The following LFNG variants were observed in gnomAD, a reference collection of about 807,000 sequenced individuals.
The protein encoded by LFNG is LFNG O-fucosylpeptide 3-beta-N-acetylglucosaminyltransferase.
In LFNG, 15 loss-of-function variants were observed where a neutral mutation model predicts 32.7. That is an observed-to-expected ratio of 0.46 (90% CI 0.31 to 0.71). The LOEUF is 0.71. Ranked by LOEUF, LFNG falls within the 30% of genes least tolerant of loss-of-function variation. The probability of loss-of-function intolerance (pLI) is 0.06; values close to 1 mark genes in which losing one functional copy is unlikely to be tolerated. For missense variants in LFNG, 520 were observed against 545.7 expected (o/e 0.95, Z 0.47); for synonymous variants, 274 against 246.8 (o/e 1.11, Z -1.03).
Position 2,525,265 on chromosome 7 carries a change from G to T in LFNG, c.528G>T (p.Ala176=). 6.2e-7 allele frequency: 1 copy of T among 1,612,988 alleles called. No homozygotes were observed. Among genetic ancestry groups the T allele is most frequent in the Non-Finnish European group, 8.5e-7 (1 of 1,179,896 alleles). The stretch of plus-strand genomic sequence containing the variant: ...GCTCGGCCGCCCACAGCCGCCAGGC[G>T]CTGTCCTGCAAGATGGCCGTGGAGT... ...TNCSAAHSRQ[A]LSCKMAVEYD... Residue 176 remains alanine (A), a synonymous_variant, in exon 3 of 8, where the codon GCG becomes GCT. Coordinates refer to ENST00000222725, the MANE Select transcript of LFNG (RefSeq NM_001040167.2).
chr7:2,526,482 A>C lies in LFNG; in HGVS notation c.987+73A>C, dbSNP rs1427266182. 6.5e-7 allele frequency: 1 copy of C among 1,531,146 alleles called. No homozygotes were observed. Among genetic ancestry groups the C allele is most frequent in the African/African-American group, 1.4e-5 (1 of 73,398 alleles). 94.8% of individuals were successfully genotyped at this position (1,531,146 alleles called of 1,614,324 possible). Reference sequence around the variant, plus strand: ...GACGTGTGGCTGCCGAGAGGGGCGCAGTGGGGTGGGGCACTGTTCTAAACA... The same window carrying C: ...GACGTGTGGCTGCCGAGAGGGGCGCCGTGGGGTGGGGCACTGTTCTAAACA... On this transcript the variant is annotated intron_variant, in intron 6 of 7. Transcript: ENST00000222725. The surrounding 1 kb of genome is among the most constrained non-coding windows in gnomAD (Gnocchi z 6.9).
upstream of LFNG, chr7:2,513,271 G>GGATA: frequency 1.2e-6 from 2 of 1,613,288 alleles, no homozygotes; most frequent in Non-Finnish European, 1.7e-6. Flanking sequence ...ATGGATGGAT[G>GGATA]GATGAGTGGA....
upstream of LFNG, chr7:2,519,767 C>T (rs958490416): frequency 3.9e-5 from 28 of 710,870 alleles, no homozygotes; most frequent in African/African-American, 5.4e-4. Context: ...GACACTGGTG[C>T]TGCGCTGCTG....
At position 2,525,587 on chromosome 7, in the gene LFNG, A is replaced by G. The variant is rs750106175; in HGVS notation, c.735+20A>G. On this transcript the variant is annotated intron_variant, in intron 4 of 7. Transcript: ENST00000222725. ...AAGGTGGTGAGTGCCTGCCCCTCCC[A>G]GTCCCCCACGCCCACGCGGAGCGCA... The G allele has an allele frequency of 1.9e-6, 3 of 1,612,134 alleles. No individual in the cohort carries two copies. Among genetic ancestry groups the G allele is most frequent in the African/African-American group, 1.3e-5 (1 of 75,066 alleles).
Position 2,526,745 on chromosome 7 carries a change from C to G in LFNG, c.988-91C>G. ...AGGTCCAAGGGAGGCCAGGGCAGGG[C>G]CGTTGCCTCACTCAGGGCTGTGTGG... On this transcript the variant is annotated intron_variant, in intron 6 of 7. Transcript: ENST00000222725. This position sits in a 1 kb window ranked among gnomAD's most constrained non-coding sequence, Gnocchi z 6.9. 2 of 1,201,450 alleles carry G rather than the reference C, an allele frequency of 1.7e-6. No homozygotes were observed. The highest frequency in any genetic ancestry group is 2.5e-6 in the Non-Finnish European group (2 of 814,100). The allele number at this position is 1,201,450 out of a possible 1,614,324, so 74.4% of individuals were successfully genotyped here.
In LFNG at chr7:2,526,134, C is replaced by A; in HGVS notation, c.822-110C>A. ...GGGAGCTGCAGCCCAGAGCTCTCCT[C>A]AGGGCTCCTCTCCCTGAGGAGTGCA... On this transcript the variant is annotated intron_variant, in intron 5 of 7. Transcript: ENST00000222725. The surrounding 1 kb of genome is among the most constrained non-coding windows in gnomAD (Gnocchi z 6.9). 2.5e-6 allele frequency: 3 copies of A among 1,196,362 alleles called. No homozygotes were observed. The highest frequency in any genetic ancestry group is 1.5e-5 in the African/African-American group (1 of 66,644). 74.1% of individuals were successfully genotyped at this position (1,196,362 alleles called of 1,614,324 possible). A position where few individuals can be genotyped will look rare whatever the true frequency, so the allele number is the denominator to read the frequency against.
Position 2,527,721 on chromosome 7 carries a change from C to A in LFNG, c.*509C>A, listed in dbSNP as rs185900482. 2 of 1,046,596 alleles carry A rather than the reference C, an allele frequency of 1.9e-6. No homozygotes were observed. Among genetic ancestry groups the A allele is most frequent in the Admixed American group, 4.9e-5 (1 of 20,238 alleles). 64.8% of individuals were successfully genotyped at this position (1,046,596 alleles called of 1,614,324 possible). On this transcript the variant is annotated 3_prime_UTR_variant, in exon 8 of 8. Transcript: ENST00000222725. The surrounding 1 kb of genome is among the most constrained non-coding windows in gnomAD (Gnocchi z 4.4). ...GAGGCTGGGTCTGGGGGTGCGTGACCCAATCCCCTTCCTCCTGGCCTGGAC... is the reference window on the plus strand; with the variant it reads ...GAGGCTGGGTCTGGGGGTGCGTGACACAATCCCCTTCCTCCTGGCCTGGAC...
Position 2,527,338 on chromosome 7 carries a change from G to GTGCA in LFNG, c.*128_*129insCATG, listed in dbSNP as rs1562556287. 4.3e-6 allele frequency: 4 copies of GTGCA among 938,426 alleles called. No homozygotes were observed. In the Admixed American group the frequency reaches 1.3e-4, roughly 30 times the overall value. The allele number at this position is 938,426 out of a possible 1,614,324, so 58.1% of individuals were successfully genotyped here. A position where few individuals can be genotyped will look rare whatever the true frequency, so the allele number is the denominator to read the frequency against. On this transcript the variant is annotated 3_prime_UTR_variant, in exon 8 of 8. Coordinates refer to ENST00000222725, the MANE Select transcript of LFNG (RefSeq NM_001040167.2). This position sits in a 1 kb window ranked among gnomAD's most constrained non-coding sequence, Gnocchi z 4.4. ...GCCGTGCCTGTGCGTGTGCGTGTGC[G>GTGCA]TGTGTGTGTGTGTGTACTGCATGCC...
chr7:2,525,846 C>T lies in LFNG; in HGVS notation c.821+76C>T, dbSNP rs962577590. The T allele has an allele frequency of 3.9e-6, 5 of 1,294,746 alleles. No homozygotes were observed. The African/African-American group carries it at 5.8e-5, about 15-fold the overall frequency. 80.2% of individuals were successfully genotyped at this position (1,294,746 alleles called of 1,614,324 possible). On this transcript the variant is annotated intron_variant, in intron 5 of 7. Transcript: ENST00000222725. Reference sequence around the variant, plus strand: ...TGTGGGGCCTGGCTTAGTTCATCTTCCCAGCCATGGGGTGTCCCCAGCCTC... The same window carrying T: ...TGTGGGGCCTGGCTTAGTTCATCTTTCCAGCCATGGGGTGTCCCCAGCCTC...
chr7:2,521,667 T>G (rs1441405577), intron 1 of LFNG, among the ~76,000 whole-genome samples: 1 of 152,108 alleles, frequency 6.6e-6, no homozygotes, highest in African/African-American at 2.4e-5. Context: ...TCAGCCCCAC[T>G]CTGGGCTACC....
In LFNG at chr7:2,528,209, C is replaced by T. The variant is rs1253072859; in HGVS notation, c.*997C>T. The T allele has an allele frequency of 2.0e-6, 2 of 985,668 alleles. No homozygotes were observed. Among genetic ancestry groups the T allele is most frequent in the Non-Finnish European group, 1.2e-6 (1 of 829,904 alleles). The allele number at this position is 985,668 out of a possible 1,614,324, so 61.1% of individuals were successfully genotyped here. On this transcript the variant is annotated 3_prime_UTR_variant, in exon 8 of 8. Transcript: ENST00000222725. ...CACTCTGTGTATTTATGCGTTCCAG[C>T]ATCTGGAACCTCCCATCCCTGCCCT...
At position 2,526,245 on chromosome 7, in the gene LFNG, G is replaced by C. The variant is rs771781393; in HGVS notation, c.823G>C (p.Gly275Arg). The change falls in exon 6 of 8, where the codon GGG becomes CGG. Residue 275 changes from glycine (G) to arginine (R), a missense_variant and splice_region_variant. Coordinates refer to ENST00000222725, the MANE Select transcript of LFNG (RefSeq NM_001040167.2). This position sits in a 1 kb window ranked among gnomAD's most constrained non-coding sequence, Gnocchi z 6.9. ...GGTCTGGGCCCTTCCCTCCCGCAGCGGGGGTCACTTCATGAATACGGCTGA... is the reference window on the plus strand; with the variant it reads ...GGTCTGGGCCCTTCCCTCCCGCAGCCGGGGTCACTTCATGAATACGGCTGA... ...LALKMSPWASGGHFMNTAERI... is the reference protein window; with the variant it reads ...LALKMSPWASRGHFMNTAERI... 1 of 1,612,824 alleles carries C rather than the reference G, an allele frequency of 6.2e-7. No homozygotes were observed. The highest frequency in any genetic ancestry group is 1.1e-5 in the South Asian group (1 of 91,078).
In LFNG at chr7:2,520,349, G is replaced by C. The variant is rs1779756683; in HGVS notation, c.432+56G>C. 3 of 1,505,676 alleles carry C rather than the reference G, an allele frequency of 2.0e-6. No homozygotes were observed. The South Asian group carries it at 3.4e-5, about 17-fold the overall frequency. The allele number at this position is 1,505,676 out of a possible 1,614,324, so 93.3% of individuals were successfully genotyped here. A position where few individuals can be genotyped will look rare whatever the true frequency, so the allele number is the denominator to read the frequency against. On this transcript the variant is annotated intron_variant, in intron 1 of 7. Coordinates refer to ENST00000222725, the MANE Select transcript of LFNG (RefSeq NM_001040167.2). The surrounding 1 kb of genome is among the most constrained non-coding windows in gnomAD (Gnocchi z 5.0). ...GAGCGGGGCGGGGACCCACCATCTG[G>C]TCCAGCTGGTGGCAGTGTCCCATGG...
downstream of LFNG, chr7:2,528,811 T>C (rs1780073933): frequency 3.1e-6 from 2 of 638,898 alleles, no homozygotes; most frequent in Admixed American, 2.7e-5. Context: ...GCCTGGGGCC[T>C]CCTTATCCAA....
At chr7:2,525,354 C>A in intron 3 of LFNG, 36 bp downstream of exon 3, 1 of 1,612,052 alleles carries the variant, frequency 6.2e-7, no homozygotes, top group Non-Finnish European at 8.5e-7. Flanking sequence ...ATCTCCCTGC[C>A]CGAGCCTGGC....
intron 1 of LFNG, among the ~76,000 whole-genome samples, chr7:2,521,948 C>T (rs1172910596): frequency 1.3e-5 from 2 of 152,300 alleles, no homozygotes; most frequent in East Asian, 3.9e-4. Context: ...GGAGGGTCAC[C>T]CCACCAGGGG....
Position 2,525,553 on chromosome 7 carries a change from A to G in LFNG, c.721A>G (p.Ser241Gly), listed in dbSNP as rs770983517. 1.2e-6 allele frequency: 2 copies of G among 1,612,402 alleles called. No homozygotes were observed. The highest frequency in any genetic ancestry group is 2.7e-5 in the African/African-American group (2 of 75,064). Residue 241 changes from serine (S) to glycine (G), a missense_variant, in exon 4 of 8, where the codon AGC (serine) becomes GGC (glycine). Ser to Gly is a moderately conservative substitution (Grantham distance 56). Around this residue, in one of 3 missense-constraint regions of LFNG, gnomAD observed 360 missense variants for 354.7 expected, o/e 1.01. Coordinates refer to ENST00000222725, the MANE Select transcript of LFNG (RefSeq NM_001040167.2). ...DRPIQAMERV[S>G]ENKVRPVHFW... The stretch of plus-strand genomic sequence containing the variant: ...GCCCATCCAGGCCATGGAGCGGGTC[A>G]GCGAGAACAAGGTGGTGAGTGCCTG...
At chr7:2,523,485 G>A (rs1779849790) in intron 1 of LFNG, 1 of 152,472 alleles carries the variant, frequency 6.6e-6, no homozygotes, top group Non-Finnish European at 1.5e-5. Context: ...GGGCATCAGG[G>A]GGTTGTCCCT....
At chr7:2,519,549 G>C (rs1054481196), upstream of LFNG, among the ~76,000 whole-genome samples, 34 of 151,330 alleles carry the variant, frequency 2.2e-4, no homozygotes, top group Admixed American at 1.4e-3. Context: ...GGCCCGCAGG[G>C]GCTACCCGGG....
Sources: gnomAD v4.1 joint callset for allele counts (sites outside exome capture counted in the v4.1 genomes callset) on GRCh38, gnomAD v4.1.1 for gene constraint, gnomAD v4.1.1 regional missense constraint, Gnocchi (gnomAD v3.1) non-coding constraint, MANE v1.5 for transcripts, NCBI Gene and HGNC (gene_info 2026-07-23, HGNC 2026-07-21) for gene names.